Variants in TMEM223 observed in about 807,000 individuals in gnomAD.
The protein encoded by TMEM223 is transmembrane protein 223.
In TMEM223, 14 loss-of-function variants were observed where a neutral mutation model predicts 14.1. That is an observed-to-expected ratio of 0.99 (90% CI 0.66 to 1.55). The LOEUF (loss-of-function observed/expected upper bound fraction) is 1.55, where lower values mean the gene tolerates loss of function less well. Among genes scored for constraint, TMEM223 ranks in the 40% most tolerant of loss-of-function variants. The pLI, the probability that TMEM223 is intolerant of heterozygous loss-of-function variation, is 0.00. For synonymous variants in TMEM223, 145 were observed against 120.5 expected (o/e 1.20, Z -1.33); for missense variants, 346 against 269.9 (o/e 1.28, Z -1.97).
intron 1 of TMEM223, chr11:62,779,097 C>T (rs899391466): frequency 3.4e-5 from 23 of 683,112 alleles, no homozygotes; most frequent in African/African-American, 1.4e-4. Flanking sequence ...CTCAGCTCAC[C>T]GCACCCTCTG....
At chr11:62,789,144 T>C (rs879276284), downstream of TMEM223, 28 of 1,614,082 alleles carry the variant, frequency 1.7e-5, no homozygotes, top group Non-Finnish European at 2.4e-5. Context: ...TCTGGCCTCT[T>C]GGCCCTCTAC....
intron 1 of TMEM223, among the ~76,000 whole-genome samples, chr11:62,779,976 A>AT (rs1277954265): frequency 0.047 from 2,469 of 52,608 alleles, 89 homozygotes; most frequent in African/African-American, 0.088. Flanking sequence ...ATATATATAT[A>AT]TTTTTTTTTT....
chr11:62,771,297 C>A (rs554772775), downstream of TMEM223: 1 of 152,428 alleles, frequency 6.6e-6, no homozygotes. Flanking sequence ...TCTGTTCACA[C>A]TGGCCAATCA....
At chr11:62,775,820 C>T in intron 1 of TMEM223, 1 of 1,612,040 alleles carries the variant, frequency 6.2e-7, no homozygotes, top group Non-Finnish European at 8.5e-7. Context: ...TGTGGAGATC[C>T]CTCGGGAGTC....
chr11:62,788,157 C>CT (rs1162684372), downstream of TMEM223, among the ~76,000 whole-genome samples: 1 of 152,204 alleles, frequency 6.6e-6, no homozygotes, highest in African/African-American at 2.4e-5. Flanking sequence ...AATCCCAGCA[C>CT]TTTGGGAGGC....
At chr11:62,775,781 G>A (rs2084182723) in intron 1 of TMEM223, 3 of 1,605,972 alleles carry the variant, frequency 1.9e-6, no homozygotes, top group African/African-American at 1.3e-5. Flanking sequence ...CTCCACTGGG[G>A]CCATGTCAGA....
chr11:62,789,777 C>G (rs767477287), downstream of TMEM223: 1 of 1,522,182 alleles, frequency 6.6e-7, no homozygotes, highest in Non-Finnish European at 8.9e-7. Flanking sequence ...GTGAGAGGAG[C>G]TGAAGGGGTT....
At chr11:62,771,868 C>T (rs1332522059) in exon 3 of TMEM223, 4 of 306,900 alleles carry the variant, frequency 1.3e-5, no homozygotes, top group South Asian at 2.6e-5. Flanking sequence ...ACTAAATGCT[C>T]CCATTTTACA....
downstream of TMEM223, among the ~76,000 whole-genome samples, chr11:62,788,178 G>T (rs1490311028): frequency 2.0e-5 from 3 of 152,166 alleles, no homozygotes; most frequent in Non-Finnish European, 2.9e-5. Context: ...TGAGGCAGGC[G>T]GATCACTTGA....
At chr11:62,791,292 C>T (rs187276277) in intron 1 of TMEM223, among the ~76,000 whole-genome samples, 1 of 152,128 alleles carries the variant, frequency 6.6e-6, no homozygotes, top group Admixed American at 6.5e-5. Context: ...GAGTCTCGCT[C>T]GGTCGCTTAG....
At position 62,791,837 on chromosome 11, in the gene TMEM223, G is replaced by A. The variant is rs775347437; in HGVS notation, c.158C>T (p.Ala53Val). 6 of 1,590,068 alleles carry A rather than the reference G, an allele frequency of 3.8e-6. No individual in the cohort carries two copies. Among genetic ancestry groups the A allele is most frequent in the Admixed American group, 1.8e-5 (1 of 55,950 alleles). ...RFFTILGLFC[A>V]GQGVFWASMA... ...GGAAGCCCAGAAGACGCCCTGGCCC[G>A]CGCAGAACAGCCCGAGGATGGTGAA... is the stretch of plus-strand genomic sequence containing the variant. Residue 53 changes from alanine (A) to valine (V), a missense_variant, in exon 1 of 2, where the codon GCG (alanine) becomes GTG (valine). Transcript: ENST00000307366.
chr11:62,790,898 C>A lies in TMEM223; in HGVS notation c.334G>T (p.Ala112Ser). The A allele has an allele frequency of 6.3e-7, 1 of 1,588,914 alleles. No homozygotes were observed. The highest frequency in any genetic ancestry group is 1.7e-4 in the Middle Eastern group (1 of 5,992). ...CGAIGALVLG[A>S]GLLFSLRSVR... ...GACCGGAGAGAGAAGAGAAGACCAG[C>A]ACCGAGTACGAGGGCTCCTGCAGGC... The change falls in exon 2 of 2, where the codon GCT (alanine) becomes TCT (serine). Residue 112 changes from alanine (A) to serine (S), a missense_variant. Transcript: ENST00000307366.
downstream of TMEM223, chr11:62,771,648 C>G (rs1430575861): frequency 5.7e-6 from 1 of 176,802 alleles, no homozygotes; most frequent in Non-Finnish European, 1.2e-5. Flanking sequence ...CACCCCCTCC[C>G]CGATCTGGGC....
chr11:62,783,138 C>G (rs1289784477), downstream of TMEM223, among the ~76,000 whole-genome samples: 1 of 152,228 alleles, frequency 6.6e-6, no homozygotes, highest in Non-Finnish European at 1.5e-5. Context: ...TGAATTTTGT[C>G]ATACCTTTTT....
At chr11:62,791,065 C>G in intron 1 of TMEM223, 150 bp from the exon 2 acceptor site, 2 of 806,574 alleles carry the variant, frequency 2.5e-6, no homozygotes, top group Non-Finnish European at 1.9e-6. Context: ...CTCTGCCGGC[C>G]AGGCTGGAGT....
At chr11:62,778,232 G>A in intron 1 of TMEM223, 1 of 1,613,712 alleles carries the variant, frequency 6.2e-7, no homozygotes, top group African/African-American at 1.3e-5. Flanking sequence ...GGGGTAGGCG[G>A]TACTCTAAGG....
downstream of TMEM223, among the ~76,000 whole-genome samples, chr11:62,784,813 G>A (rs2084258293): frequency 6.6e-6 from 1 of 152,160 alleles, no homozygotes; most frequent in African/African-American, 2.4e-5. Flanking sequence ...TTATTGGACT[G>A]TAATGCATTT....
At chr11:62,779,319 C>CGA (rs1359312216) in intron 1 of TMEM223, among the ~76,000 whole-genome samples, 1 of 152,034 alleles carries the variant, frequency 6.6e-6, no homozygotes, top group Non-Finnish European at 1.5e-5. Context: ...CTTAGCCTCC[C>CGA]GAGTAGCTGG....
rs201573295 is a variant in TMEM223, at chr11:62,791,933, G to A, written c.62C>T (p.Thr21Ile). The A allele has an allele frequency of 9.0e-4, 1,438 of 1,596,158 alleles. 9 individuals are homozygous for A. The Middle Eastern group carries it at 0.016, about 18-fold the overall frequency. Residue 21 changes from threonine to isoleucine, a missense_variant, in exon 1 of 2, where the codon ACC becomes ATC. Transcript: ENST00000307366. ...GLLAVLRPLL[T>I]CRPLQGTTLQ... is the part of the protein sequence containing the mutation. ...CGTCGTGCCTTGCAGGGGCCGGCAG[G>A]TGAGCAGGGGCCGCAGCACGGCTAG...
Sources: gnomAD v4.1 joint callset for allele counts (sites outside exome capture counted in the v4.1 genomes callset) on GRCh38, gnomAD v4.1.1 for gene constraint, MANE v1.5 for transcripts, NCBI Gene and HGNC (gene_info 2026-07-23, HGNC 2026-07-21) for gene names.